SLC12A9: variants seen among roughly 807,000 people sequenced by gnomAD.
SLC12A9 encodes the protein CCC-interacting protein 1.
Under a neutral mutation model 66.0 loss-of-function variants are expected in SLC12A9, and 55 were observed. The ratio of observed to expected loss-of-function variants is 0.83; its 90% CI spans 0.67 to 1.04. SLC12A9 has a LOEUF of 1.04. Among genes scored for constraint, SLC12A9 ranks in the 50% least tolerant of loss-of-function variants. The pLI is 0.00. For synonymous variants in SLC12A9, 577 were observed against 569.0 expected, an observed-to-expected ratio of 1.01 and a Z score of -0.20; for missense variants, 1,061 against 1,241.9, an observed-to-expected ratio of 0.85 and a Z score of 2.19.
In SLC12A9 at chr7:100,865,287, A is replaced by G. The variant is rs776845281; in HGVS notation, c.1859-432A>G. 24 of 1,535,574 alleles carry G rather than the reference A, an allele frequency of 1.6e-5. No homozygotes were observed. In the South Asian group the frequency reaches 2.6e-4, roughly 17 times the overall value. On this transcript the variant is annotated intron_variant, in intron 13 of 13. Coordinates refer to ENST00000354161, the MANE Select transcript of SLC12A9 (RefSeq NM_020246.4). ...CCATTTTTTCATCTTCCCATTGCAGAGTCTGGGACGCTATTACCCTGGGGA... is the reference window on the plus strand; with the variant it reads ...CCATTTTTTCATCTTCCCATTGCAGGGTCTGGGACGCTATTACCCTGGGGA...
At chr7:100,847,415 G>C (rs1435189530) in intron 1 of SLC12A9, among the ~76,000 whole-genome samples, 1 of 152,176 alleles carries the variant, frequency 6.6e-6, no homozygotes. Context: ...GAGGAGAAAG[G>C]CATGTCATTG....
rs753546607 is a variant in SLC12A9, at chr7:100,861,380, C to G, written c.1344-12C>G. Reference sequence around the variant, plus strand: ...CCTGAGTTTCTGTCCCTCCTCCCCTCCATGCCCGCAGCCCCACCTTCAGCC... The same window carrying G: ...CCTGAGTTTCTGTCCCTCCTCCCCTGCATGCCCGCAGCCCCACCTTCAGCC... On this transcript the variant is annotated splice_polypyrimidine_tract_variant and intron_variant, in intron 10 of 13. Coordinates refer to ENST00000354161, the MANE Select transcript of SLC12A9 (RefSeq NM_020246.4). The surrounding 1 kb of genome is among the most constrained non-coding windows in gnomAD (Gnocchi z 5.3). The G allele has an allele frequency of 5.0e-6, 8 of 1,612,980 alleles. 1 individual carries two copies. In the South Asian group the frequency reaches 8.8e-5, roughly 18 times the overall value.
chr7:100,854,596 C>T (rs765246486), intron 2 of SLC12A9, 24 bp from the exon 3 acceptor site: 1 of 1,613,566 alleles, frequency 6.2e-7, no homozygotes, highest in African/African-American at 1.3e-5. Context: ...TCCCCTGTGA[C>T]CTGATTTGCT....
chr7:100,843,031 T>C (rs897284878), intron 1 of SLC12A9, among the ~76,000 whole-genome samples: 3 of 152,268 alleles, frequency 2.0e-5, no homozygotes, highest in Admixed American at 6.5e-5. Context: ...AGGGATGCGA[T>C]GAGCTTAAGA....
intron 1 of SLC12A9, among the ~76,000 whole-genome samples, chr7:100,846,556 G>T (rs1252064864): frequency 6.7e-6 from 1 of 149,758 alleles, no homozygotes; most frequent in Non-Finnish European, 1.5e-5. Flanking sequence ...GACAAAGTGA[G>T]ACTCCGTCTC....
intron 2 of SLC12A9, 86 bp downstream of exon 2, chr7:100,854,464 T>A (rs1814263526): frequency 6.3e-7 from 1 of 1,589,010 alleles, no homozygotes; most frequent in Non-Finnish European, 8.6e-7. Context: ...GGGATAAGAT[T>A]AGGAAGGGGA....
rs193234715 is a variant in SLC12A9, at chr7:100,837,527, A to T, written n.228+10480A>T. 3 of 152,278 alleles carry T rather than the reference A, an allele frequency of 2.0e-5. No individual in the cohort carries two copies. In the East Asian group the frequency reaches 5.8e-4, roughly 29 times the overall value. The allele number at this position is 152,278 out of a possible 1,614,324, so 9.4% of individuals were successfully genotyped here. ...CCCGGCCGTCAGTCACGTGGGCAGC[A>T]CGCCCCAGGCCTCCGACTGCTGGCG... On this transcript the variant is annotated intron_variant and non_coding_transcript_variant, in intron 1 of 1. Coordinates refer to the SLC12A9 transcript ENST00000461016.
At chr7:100,837,082 G>T (rs770316662) in intron 1 of SLC12A9, among the ~76,000 whole-genome samples, 4 of 152,126 alleles carry the variant, frequency 2.6e-5, no homozygotes, top group African/African-American at 7.2e-5. Flanking sequence ...CTCAGATACT[G>T]AATCCCACGA....
chr7:100,866,783 G>A lies in SLC12A9; in HGVS notation c.*178G>A, dbSNP rs540498773. On this transcript the variant is annotated 3_prime_UTR_variant, in exon 14 of 14. Coordinates refer to ENST00000354161, the MANE Select transcript of SLC12A9 (RefSeq NM_020246.4). This position sits in a 1 kb window ranked among gnomAD's most constrained non-coding sequence, Gnocchi z 7.3. ...ATCACGCCCACCTCCTTTGGCAGAG[G>A]GACCCCAGCACACTAACTCTGGGTG... The A allele has an allele frequency of 3.2e-6, 2 of 630,704 alleles. No homozygotes were observed. The highest frequency in any genetic ancestry group is 1.9e-5 in the African/African-American group (1 of 52,638). The allele number at this position is 630,704 out of a possible 1,614,324, so 39.1% of individuals were successfully genotyped here.
chr7:100,846,880 GGTTAT>G, intron 1 of SLC12A9, among the ~76,000 whole-genome samples: 2 of 152,254 alleles, frequency 1.3e-5, no homozygotes, highest in South Asian at 4.1e-4. Context: ...TGACCTAATC[GGTTAT>G]GTTATCTATA....
At position 100,826,955 on chromosome 7, in the gene SLC12A9, G is replaced by GC. The variant is rs141919245; in HGVS notation, n.145dup. 245,827 of 1,433,544 alleles carry GC rather than the reference G, an allele frequency of 0.17. 5,461 individuals carry two copies. Among genetic ancestry groups the GC allele is most frequent in the East Asian group, 0.42 (15,432 of 36,998 alleles). The allele number at this position is 1,433,544 out of a possible 1,614,324, so 88.8% of individuals were successfully genotyped here. On this transcript the variant is annotated non_coding_transcript_exon_variant, in exon 1 of 2. Transcript: ENST00000461016. ...GGAGGTCCCAGGAGTGACGGGGTGC[G>GC]CCCCCCCCCGCAAGGAAACTCACCT...
chr7:100,843,731 C>T (rs1295138448), intron 1 of SLC12A9, among the ~76,000 whole-genome samples: 1 of 152,192 alleles, frequency 6.6e-6, no homozygotes, highest in Non-Finnish European at 1.5e-5. Flanking sequence ...TACCAAAGGA[C>T]CTCATTGGTT....
chr7:100,866,381 G>T lies in SLC12A9; in HGVS notation c.2521G>T (p.Val841Phe). The change falls in exon 14 of 14, where the codon GTT becomes TTT. Residue 841 changes from valine (V) to phenylalanine (F), a missense_variant. Val to Phe is a conservative substitution (Grantham distance 50). Coordinates refer to ENST00000354161, the MANE Select transcript of SLC12A9 (RefSeq NM_020246.4). This position sits in a 1 kb window ranked among gnomAD's most constrained non-coding sequence, Gnocchi z 7.3. ...EALARSANAL[V>F]RAQQGRGTGG... ...CCTGGCACGCAGCGCCAACGCCCTG[G>T]TTCGGGCCCAGCAGGGGCGCGGCAC... 2 of 1,527,642 alleles carry T rather than the reference G, an allele frequency of 1.3e-6. No homozygotes were observed. The highest frequency in any genetic ancestry group is 1.4e-5 in the African/African-American group (1 of 72,748). 94.6% of individuals were successfully genotyped at this position (1,527,642 alleles called of 1,614,324 possible). A position where few individuals can be genotyped will look rare whatever the true frequency, so the allele number is the denominator to read the frequency against.
chr7:100,832,695 A>G (rs942159520), intron 1 of SLC12A9, among the ~76,000 whole-genome samples: 16 of 152,228 alleles, frequency 1.1e-4, no homozygotes, highest in Admixed American at 3.9e-4. Context: ...TCTAGCTTGT[A>G]TAATATTTAT....
rs773416664 is a variant in SLC12A9, at chr7:100,866,203, C to T, written c.2343C>T (p.Ala781=). Residue 781 remains alanine (A), a synonymous_variant, in exon 14 of 14, where the codon GCC becomes GCT. Transcript: ENST00000354161. This position sits in a 1 kb window ranked among gnomAD's most constrained non-coding sequence, Gnocchi z 7.3. Reference sequence around the variant, plus strand: ...GGCCTCGGGAGGCGCCTGGGGCGGCCGAGGGGCGGCTGCGGGCACTGCTGA... The same window carrying T: ...GGCCTCGGGAGGCGCCTGGGGCGGCTGAGGGGCGGCTGCGGGCACTGCTGA... The part of the protein sequence containing the change: ...CLGPREAPGA[A]EGRLRALLSQ... 3.6e-5 allele frequency: 58 copies of T among 1,610,228 alleles called. No individual in the cohort carries two copies. The Middle Eastern group carries it at 1.4e-3, about 40-fold the overall frequency.
chr7:100,860,223 C>T lies in SLC12A9; in HGVS notation c.1209C>T (p.Gly403=). ...GGGCAGCTGTACTTTATTCTTGGGG[C>T]CTGGTGCAGGTGAGCCTTCTTCTTC... ...NPWAAVLYSW[G]LVQLVLLAGK... Residue 403 remains glycine (G), a synonymous_variant, in exon 9 of 14, where the codon GGC becomes GGT. Transcript: ENST00000354161. 1 of 1,614,036 alleles carries T rather than the reference C, an allele frequency of 6.2e-7. No individual in the cohort carries two copies. The highest frequency in any genetic ancestry group is 8.5e-7 in the Non-Finnish European group (1 of 1,179,924).
intron 1 of SLC12A9, among the ~76,000 whole-genome samples, chr7:100,845,096 G>A (rs1813878613): frequency 6.6e-6 from 1 of 151,532 alleles, no homozygotes; most frequent in Admixed American, 6.6e-5. Context: ...CTCAATCATT[G>A]GACAATACTG....
At position 100,847,325 on chromosome 7, in the gene SLC12A9, A is replaced by G. The variant is rs1019910903; in HGVS notation, n.229-12560A>G. ...GGGAGATGCTGTTAATATTGAAGTC[A>G]AGGCATCAGGCATACAGCAGGACTG... is the stretch of plus-strand genomic sequence containing the variant. On this transcript the variant is annotated intron_variant and non_coding_transcript_variant, in intron 1 of 1. Transcript: ENST00000461016. Among the ~76,000 whole-genome samples, 4 of 152,218 alleles carry G rather than the reference A, an allele frequency of 2.6e-5. No homozygotes were observed. The East Asian group carries it at 7.7e-4, about 29-fold the overall frequency.
rs1049804042 is a variant in SLC12A9, at chr7:100,854,697, G to A, written c.259G>A (p.Val87Ile). ...TGCCTACTTCATCCTGGCACTCACC[G>A]TCCTCTCTGTCTGTGCCATCGCCAC... is the stretch of plus-strand genomic sequence containing the variant. ...LVAYFILALT[V>I]LSVCAIATNG... The change falls in exon 3 of 14, where the codon GTC becomes ATC. Residue 87 changes from valine to isoleucine, a missense_variant. Physicochemically the swap from Val to Ile is conservative, Grantham distance 29. Coordinates refer to ENST00000354161, the MANE Select transcript of SLC12A9 (RefSeq NM_020246.4). The A allele has an allele frequency of 1.1e-5, 17 of 1,613,904 alleles. No homozygotes were observed. The highest frequency in any genetic ancestry group is 8.0e-5 in the African/African-American group (6 of 74,868).
Sources: allele counts gnomAD v4.1 joint callset (sites outside exome capture counted in the v4.1 genomes callset), GRCh38; gene constraint gnomAD v4.1.1; non-coding constraint Gnocchi (gnomAD v3.1); transcripts MANE v1.5; gene names NCBI Gene and HGNC (gene_info 2026-07-23, HGNC 2026-07-21).